The following TNS3 variants were observed in gnomAD, a reference collection of about 807,000 sequenced individuals.
The protein encoded by TNS3 is tensin 3.
TNS3 carries 45 observed loss-of-function variants against 140.9 expected under a neutral mutation model. That is an observed-to-expected ratio of 0.32 (90% CI 0.25 to 0.41). The LOEUF is 0.41. TNS3 is among the 10% of genes least tolerant of loss of function. TNS3 has a pLI of 1.00. For synonymous variants in TNS3, 815 were observed against 788.4 expected, an observed-to-expected ratio of 1.03 and a Z score of -0.56; for missense variants, 1,716 against 1,906.7, an observed-to-expected ratio of 0.90 and a Z score of 1.86.
chr7:47,340,128 T>A (rs1440334862), intron 20 of TNS3, among the ~76,000 whole-genome samples: 6 of 108,956 alleles, frequency 5.5e-5, no homozygotes, highest in African/African-American at 1.0e-4. Flanking sequence ...TTTTTTTTTT[T>A]TTTTTTTTTT....
chr7:47,413,023 G>A (rs866199408), intron 12 of TNS3, among the ~76,000 whole-genome samples: 1 of 151,662 alleles, frequency 6.6e-6, no homozygotes, highest in Non-Finnish European at 1.5e-5. Flanking sequence ...GCACAATCTC[G>A]GCTCACTGCA....
intron 10 of TNS3, among the ~76,000 whole-genome samples, chr7:47,423,603 T>C (rs1021090481): frequency 3.3e-5 from 5 of 152,200 alleles, no homozygotes; most frequent in African/African-American, 1.2e-4. Context: ...ACTGCTAATG[T>C]GTTTGTGTAA....
chr7:47,572,104 G>GAC (rs1348251143), intron 1 of TNS3, among the ~76,000 whole-genome samples: 1 of 152,222 alleles, frequency 6.6e-6, no homozygotes, highest in Non-Finnish European at 1.5e-5. Context: ...CAGACAACCA[G>GAC]ACACCCGACA....
chr7:47,369,188 G>C lies in TNS3; in HGVS notation c.1458C>G (p.Asp486Glu). The C allele has an allele frequency of 1.2e-6, 2 of 1,613,974 alleles. No individual in the cohort carries two copies. The highest frequency in any genetic ancestry group is 4.5e-5 in the East Asian group (2 of 44,866). ...DILDDEMPHH[D>E]LHSVDSLGTL... ...TCCCAAGGCTGTCCACACTGTGCAG[G>C]TCGTGGTGGGGCATCTCGTCATCCA... Residue 486 changes from aspartate (D) to glutamate (E), a missense_variant, in exon 17 of 31, where the codon GAC becomes GAG. Physicochemically the swap from Asp to Glu is conservative, Grantham distance 45 (BLOSUM62 2). Around this residue, in one of 3 missense-constraint regions of TNS3, gnomAD observed 1,163 missense variants for 1,182.1 expected, o/e 0.98. Transcript: ENST00000311160.
chr7:47,439,788 C>A (rs549531713), intron 5 of TNS3, 130 bp from the exon 6 acceptor site: 20 of 901,686 alleles, frequency 2.2e-5, no homozygotes, highest in African/African-American at 5.0e-5. Flanking sequence ...CGGCCAGCTA[C>A]GGGAATTTAC....
chr7:47,294,724 T>A (rs1334611447), intron 24 of TNS3, among the ~76,000 whole-genome samples: 3 of 152,246 alleles, frequency 2.0e-5, no homozygotes, highest in African/African-American at 7.2e-5. Context: ...AATATCACTG[T>A]GTCAGCATTT....
rs185186522 is a variant in TNS3 at position 47,334,249 on chromosome 7, C to A, written c.2650+10506G>T. ...CCTCCAATCGACAGCAGAGAAGAGG[C>A]TGCATGCTTGGAAGCCAGGCCCCTA... On this transcript the variant is annotated intron_variant, in intron 20 of 30. Coordinates refer to ENST00000311160, the MANE Select transcript of TNS3 (RefSeq NM_022748.12). Among the ~76,000 whole-genome samples, 563 of 152,302 alleles carry A rather than the reference C, an allele frequency of 3.7e-3. 3 individuals carry two copies. Among genetic ancestry groups the A allele is most frequent in the African/African-American group, 0.012 (519 of 41,560 alleles).
intron 2 of TNS3, among the ~76,000 whole-genome samples, chr7:47,523,744 G>A (rs984953828): frequency 6.6e-6 from 1 of 152,176 alleles, no homozygotes; most frequent in Non-Finnish European, 1.5e-5. Flanking sequence ...AACTCAACAG[G>A]ACATGCAGCT....
chr7:47,488,784 T>C (rs1042116651), intron 3 of TNS3, among the ~76,000 whole-genome samples: 7 of 151,692 alleles, frequency 4.6e-5, no homozygotes, highest in Non-Finnish European at 7.4e-5. Context: ...CAACAAGAGC[T>C]GGGTCCCCCA....
upstream of TNS3, chr7:47,582,344 C>A: frequency 2.3e-6 from 1 of 442,526 alleles, no homozygotes; most frequent in South Asian, 1.6e-5. Context: ...CAGAGAGGAC[C>A]TGGAATTATC....
rs1299914852 is a variant in TNS3, at chr7:47,277,710, G to A, written c.*366C>T. The stretch of plus-strand genomic sequence containing the variant: ...TCGGCACCTCTGCCTCAAGGGCTGG[G>A]GATTCCTCATCCCCCGGAATGCTAG... On this transcript the variant is annotated 3_prime_UTR_variant, in exon 31 of 31. Transcript: ENST00000311160. The A allele has an allele frequency of 9.0e-6, 3 of 331,692 alleles. No homozygotes were observed. The highest frequency in any genetic ancestry group is 4.3e-5 in the African/African-American group (2 of 46,312). 20.5% of individuals were successfully genotyped at this position (331,692 alleles called of 1,614,324 possible).
At chr7:47,530,838 A>AAAAATATATATATATAT in intron 1 of TNS3, among the ~76,000 whole-genome samples, 14 of 54,472 alleles carry the variant, frequency 2.6e-4, no homozygotes, top group Admixed American at 9.2e-4. Context: ...AAAAAAAAAA[A>AAAAATATATATATATAT]ATATATATAT....
intron 1 of TNS3, among the ~76,000 whole-genome samples, chr7:47,570,155 A>C (rs986102495): frequency 9.2e-5 from 14 of 152,276 alleles, no homozygotes; most frequent in African/African-American, 3.4e-4. Flanking sequence ...CGTCTCAATA[A>C]AAAGAAAAAA....
At chr7:47,462,361 AGCAAG>A (rs1177482600) in intron 4 of TNS3, among the ~76,000 whole-genome samples, 14 of 152,200 alleles carry the variant, frequency 9.2e-5, no homozygotes, top group Non-Finnish European at 1.9e-4. Flanking sequence ...CAGCCTGCTG[AGCAAG>A]GAACCCTTAT....
At chr7:47,315,094 C>T (rs1787318704) in intron 20 of TNS3, among the ~76,000 whole-genome samples, 1 of 152,256 alleles carries the variant, frequency 6.6e-6, no homozygotes, top group South Asian at 2.1e-4. Flanking sequence ...GCCAGCACAG[C>T]CCTGCCAGCC....
At chr7:47,306,976 G>C (rs940546033) in intron 20 of TNS3, among the ~76,000 whole-genome samples, 2 of 152,144 alleles carry the variant, frequency 1.3e-5, no homozygotes, top group Non-Finnish European at 2.9e-5. Context: ...TAGAGAAAAA[G>C]TGAACTTTAA....
intron 3 of TNS3, among the ~76,000 whole-genome samples, chr7:47,496,789 C>T (rs1233612210): frequency 1.3e-5 from 2 of 152,244 alleles, no homozygotes; most frequent in Non-Finnish European, 2.9e-5. Context: ...CAGCACCCAG[C>T]TCTGCCCTAG....
intron 10 of TNS3, among the ~76,000 whole-genome samples, chr7:47,415,665 C>T (rs935365671): frequency 2.0e-5 from 3 of 152,234 alleles, no homozygotes; most frequent in Non-Finnish European, 4.4e-5. Context: ...TGCTCATACT[C>T]GAGAGCCCTA....
chr7:47,551,825 C>A (rs942884347), intron 1 of TNS3, among the ~76,000 whole-genome samples: 6 of 152,080 alleles, frequency 3.9e-5, no homozygotes, highest in Admixed American at 6.5e-5. Context: ...CTGTTATCAC[C>A]CTAAATTCTT....
Sources: gnomAD v4.1 joint callset for allele counts (sites outside exome capture counted in the v4.1 genomes callset) on GRCh38, gnomAD v4.1.1 for gene constraint, gnomAD v4.1.1 regional missense constraint, MANE v1.5 for transcripts, NCBI Gene and HGNC (gene_info 2026-07-23, HGNC 2026-07-21) for gene names.